The following ADAMTS3 variants were observed in gnomAD, a reference collection of about 807,000 sequenced individuals.
ADAMTS3 encodes the protein ADAM metallopeptidase with thrombospondin type 1 motif 3, also known as A disintegrin and metalloproteinase with thrombospondin motifs 3.
ADAMTS3 carries 73 observed loss-of-function variants against 129.0 expected under a neutral mutation model. The observed-to-expected ratio is 0.57, with a 90% CI of 0.47 to 0.69. The LOEUF is 0.69. Among genes scored for constraint, ADAMTS3 ranks in the 30% least tolerant of loss-of-function variants. The probability of loss-of-function intolerance (pLI) is 0.00; values close to 1 mark genes in which losing one functional copy is unlikely to be tolerated. For synonymous variants in ADAMTS3, 477 were observed against 510.8 expected, an observed-to-expected ratio of 0.93 and a Z score of 0.89; for missense variants, 1,457 against 1,514.5, an observed-to-expected ratio of 0.96 and a Z score of 0.63.
In ADAMTS3 at chr4:72,414,924, C is replaced by A; in HGVS notation, c.552G>T (p.Leu184Phe). The change falls in exon 4 of 22, where the codon TTG (leucine) becomes TTT (phenylalanine). Residue 184 changes from leucine (L) to phenylalanine (F), a missense_variant. Transcript: ENST00000286657. The stretch of plus-strand genomic sequence containing the variant: ...CTTCCTCCATCTGTTTACCTCTTTC[C>A]AAGGGTTCAATGAAATACTCTTCAT... Reference protein sequence around the residue: ...SDNEEYFIEPLERGKQMEEEK... With the variant: ...SDNEEYFIEPFERGKQMEEEK... The A allele has an allele frequency of 1.3e-6, 2 of 1,579,212 alleles. No homozygotes were observed. The highest frequency in any genetic ancestry group is 1.7e-6 in the Non-Finnish European group (2 of 1,164,916).
At position 72,335,307 on chromosome 4, in the gene ADAMTS3, AC is replaced by A. The variant is rs1719961574; in HGVS notation, c.861+4186del. Among the ~76,000 whole-genome samples, 5 of 152,126 alleles carry A rather than the reference AC, an allele frequency of 3.3e-5. No individual in the cohort carries two copies. In the South Asian group the frequency reaches 8.3e-4, roughly 25 times the overall value. ...CAAACACCCAGATTTGCATGGCAAC[AC>A]CTACAGAATTTTACCGCATTCATAC... is the stretch of plus-strand genomic sequence containing the variant. On this transcript the variant is annotated intron_variant, in intron 5 of 21. Coordinates refer to ENST00000286657, the MANE Select transcript of ADAMTS3 (RefSeq NM_014243.3).
chr4:72,435,507 T>G (rs1293683299), intron 3 of ADAMTS3, among the ~76,000 whole-genome samples: 1 of 152,022 alleles, frequency 6.6e-6, no homozygotes, highest in Non-Finnish European at 1.5e-5. Flanking sequence ...ATTTCTCAAT[T>G]CAACCACAGC....
intron 2 of ADAMTS3, among the ~76,000 whole-genome samples, chr4:72,561,764 T>A (rs1248498204): frequency 6.6e-6 from 1 of 152,220 alleles, no homozygotes; most frequent in East Asian, 1.9e-4. Context: ...TTTTGTTTTA[T>A]CAATCACTTC....
At chr4:72,529,139 G>A (rs867885090) in intron 3 of ADAMTS3, among the ~76,000 whole-genome samples, 1 of 152,100 alleles carries the variant, frequency 6.6e-6, no homozygotes, top group Non-Finnish European at 1.5e-5. Context: ...TCTTACAGAA[G>A]AAAAGCTGAT....
Position 72,451,018 on chromosome 4 carries a change from AATTT to A in ADAMTS3, c.505-36051_505-36048del, listed in dbSNP as rs1718390456. ...AGAGAAGAGAAGAGAAGAGAAGAGA[AATTT>A]GCAACAGATAAGAATATCCTTAACA... On this transcript the variant is annotated intron_variant, in intron 3 of 21. Transcript: ENST00000286657. Among the ~76,000 whole-genome samples, 5 of 150,610 alleles carry A rather than the reference AATTT, an allele frequency of 3.3e-5. No homozygotes were observed. The South Asian group carries it at 6.3e-4, about 19-fold the overall frequency.
intron 17 of ADAMTS3, among the ~76,000 whole-genome samples, chr4:72,301,582 T>C (rs533976403): frequency 6.6e-6 from 1 of 152,280 alleles, no homozygotes; most frequent in African/African-American, 2.4e-5. Context: ...ATAAAAATTC[T>C]GTATAAAACA....
chr4:72,376,855 T>C (rs1053355338), intron 4 of ADAMTS3, among the ~76,000 whole-genome samples: 7 of 152,184 alleles, frequency 4.6e-5, no homozygotes, highest in African/African-American at 1.7e-4. Context: ...TTTGAGTGAC[T>C]GAACGCCTTG....
chr4:72,567,263 A>AT (rs1260001935), intron 2 of ADAMTS3, 111 bp downstream of exon 2: 37 of 1,083,754 alleles, frequency 3.4e-5, no homozygotes, highest in South Asian at 4.2e-5. Context: ...ACTACAGATT[A>AT]TTTTTTTTAA....
At chr4:72,363,767 A>G (rs1720790198) in intron 4 of ADAMTS3, among the ~76,000 whole-genome samples, 1 of 150,846 alleles carries the variant, frequency 6.6e-6, no homozygotes, top group Non-Finnish European at 1.5e-5. Flanking sequence ...AAAGACTTAA[A>G]TAGGAAAAGA....
At chr4:72,482,091 C>T (rs929662834) in intron 3 of ADAMTS3, among the ~76,000 whole-genome samples, 14 of 151,920 alleles carry the variant, frequency 9.2e-5, no homozygotes, top group Non-Finnish European at 1.3e-4. Flanking sequence ...ATTAACAGTT[C>T]GTCAACTTTT....
In ADAMTS3 at chr4:72,314,762, C is replaced by T. The variant is rs1719345173; in HGVS notation, c.1600-940G>A. ...GTATACAAGGTGCTTTGCATAGTGCCTAATATAATGCAAACACTTAAAAAG... is the reference window on the plus strand; with the variant it reads ...GTATACAAGGTGCTTTGCATAGTGCTTAATATAATGCAAACACTTAAAAAG... On this transcript the variant is annotated intron_variant, in intron 11 of 21. Transcript: ENST00000286657. 2.0e-5 allele frequency among the ~76,000 whole-genome samples: 3 copies of T among 152,034 alleles called. No homozygotes were observed. The South Asian group carries it at 6.2e-4, about 32-fold the overall frequency.
chr4:72,436,161 AAAATC>A (rs66524019), intron 3 of ADAMTS3, among the ~76,000 whole-genome samples: 100,023 of 150,868 alleles, frequency 0.66, 33,257 homozygotes, highest in South Asian at 0.79. Context: ...TTACAAGAAA[AAAATC>A]AAACAACCGC....
intron 3 of ADAMTS3, among the ~76,000 whole-genome samples, chr4:72,510,424 G>A (rs1050382010): frequency 1.3e-5 from 2 of 152,040 alleles, no homozygotes; most frequent in Admixed American, 1.3e-4. Flanking sequence ...ATTCAGTAAA[G>A]TTGCAGGATA....
intron 3 of ADAMTS3, among the ~76,000 whole-genome samples, chr4:72,470,790 C>A (rs13149089): frequency 2.0e-5 from 3 of 151,954 alleles, no homozygotes; most frequent in Non-Finnish European, 1.5e-5. Context: ...CTTCACTGTC[C>A]TACACACTTA....
At chr4:72,540,662 A>T (rs1304123672) in intron 3 of ADAMTS3, among the ~76,000 whole-genome samples, 1 of 152,190 alleles carries the variant, frequency 6.6e-6, no homozygotes, top group Non-Finnish European at 1.5e-5. Context: ...TGCTGTGTGC[A>T]GTCTAGAGAC....
At chr4:72,557,403 C>T (rs1721794228) in intron 2 of ADAMTS3, among the ~76,000 whole-genome samples, 1 of 151,846 alleles carries the variant, frequency 6.6e-6, no homozygotes, top group African/African-American at 2.4e-5. Context: ...AATTGTGACA[C>T]ATGCTGAAAT....
At chr4:72,558,345 C>T (rs1188207018) in intron 2 of ADAMTS3, among the ~76,000 whole-genome samples, 5 of 151,652 alleles carry the variant, frequency 3.3e-5, no homozygotes, top group African/African-American at 1.2e-4. Context: ...CTTTTGGAGG[C>T]CACCGACATC....
intron 3 of ADAMTS3, among the ~76,000 whole-genome samples, chr4:72,529,615 G>A (rs1433984989): frequency 8.3e-5 from 11 of 132,766 alleles, no homozygotes; most frequent in African/African-American, 2.9e-4. Flanking sequence ...CAGCCTGGCA[G>A]CAATAATATA....
chr4:72,301,359 G>A (rs1718946128), intron 17 of ADAMTS3, among the ~76,000 whole-genome samples: 1 of 152,018 alleles, frequency 6.6e-6, no homozygotes, highest in East Asian at 1.9e-4. Flanking sequence ...CTATGGACTG[G>A]AATAAAACAT....
Sources: allele counts gnomAD v4.1 joint callset (sites outside exome capture counted in the v4.1 genomes callset), GRCh38; gene constraint gnomAD v4.1.1; transcripts MANE v1.5; gene names NCBI Gene and HGNC (gene_info 2026-07-23, HGNC 2026-07-21).